The following VPS35L variants were observed in gnomAD, a reference collection of about 807,000 sequenced individuals.
VPS35L encodes the protein VPS35 endosomal protein sorting factor like.
In VPS35L, 83 loss-of-function variants were observed where a neutral mutation model predicts 133.0. That is an observed-to-expected ratio of 0.62 (90% CI 0.52 to 0.75). The LOEUF (loss-of-function observed/expected upper bound fraction) is 0.75. Among genes scored for constraint, VPS35L ranks in the 30% least tolerant of loss-of-function variants. The pLI is 0.00. For missense variants in VPS35L, 1,083 were observed against 1,206.8 expected, an observed-to-expected ratio of 0.90 and a Z score of 1.52; for synonymous variants, 423 against 449.9, an observed-to-expected ratio of 0.94 and a Z score of 0.76.
rs541101706 is a variant in VPS35L, at chr16:19,675,796, C to G, written c.2362-6429C>G. On this transcript the variant is annotated intron_variant, in intron 27 of 30. Transcript: ENST00000417362. ...AACTCCTGACCTCAGGTGCTCAGCCCCCCTCCGCCTCCCAAAGTGCTGAGA... is the reference window on the plus strand; with the variant it reads ...AACTCCTGACCTCAGGTGCTCAGCCGCCCTCCGCCTCCCAAAGTGCTGAGA... Among the ~76,000 whole-genome samples the G allele has an allele frequency of 4.0e-4, 60 of 151,828 alleles. 1 individual carries two copies. The highest frequency in any genetic ancestry group is 1.2e-3 in the African/African-American group (51 of 41,420).
At chr16:19,570,256 T>C (rs1204551023) in intron 3 of VPS35L, among the ~76,000 whole-genome samples, 4 of 152,082 alleles carry the variant, frequency 2.6e-5, no homozygotes, top group African/African-American at 7.2e-5. Flanking sequence ...AGAGATGGGC[T>C]TTCATCATGT....
At chr16:19,672,487 G>A (rs1274944340) in intron 27 of VPS35L, among the ~76,000 whole-genome samples, 2 of 152,224 alleles carry the variant, frequency 1.3e-5, no homozygotes, top group East Asian at 1.9e-4. Context: ...TGTTTGGCAT[G>A]TGAATTATAT....
rs1440489246 is a variant in VPS35L at position 19,555,723 on chromosome 16, T to C, written c.-7T>C. The stretch of plus-strand genomic sequence containing the variant: ...GCCCCAGAACAAGCGGTCATGTGAC[T>C]GGGAAGATGGCCGTCTTTCCTTGGT... On this transcript the variant is annotated 5_prime_UTR_variant, in exon 1 of 31. Transcript: ENST00000417362. The C allele has an allele frequency of 6.3e-7, 1 of 1,597,050 alleles. No homozygotes were observed. Among genetic ancestry groups the C allele is most frequent in the South Asian group, 1.1e-5 (1 of 88,982 alleles).
At chr16:19,666,871 T>C (rs1358171052) in intron 26 of VPS35L, among the ~76,000 whole-genome samples, 1 of 140,242 alleles carries the variant, frequency 7.1e-6, no homozygotes, top group Admixed American at 7.4e-5. Context: ...TAGGGCCATG[T>C]TTTTCTTTCT....
intron 7 of VPS35L, among the ~76,000 whole-genome samples, chr16:19,584,134 T>C (rs977254028): frequency 1.2e-4 from 19 of 152,206 alleles, no homozygotes; most frequent in African/African-American, 4.1e-4. Flanking sequence ...TTTCATATCT[T>C]AGCTATTGTG....
In VPS35L at chr16:19,640,022, T is replaced by G. The variant is rs773427114; in HGVS notation, c.1706T>G (p.Phe569Cys). Reference protein sequence around the residue: ...DFSVLFSVEKFLPFLDMFQKE... With the variant: ...DFSVLFSVEKCLPFLDMFQKE... Reference sequence around the variant, plus strand: ...TGCTTGCTTTATTTATAGGAAAAATTTCTGCCGTTTCTGGACATGTTCCAA... The same window carrying G: ...TGCTTGCTTTATTTATAGGAAAAATGTCTGCCGTTTCTGGACATGTTCCAA... Residue 569 changes from phenylalanine (F) to cysteine (C), a missense_variant, in exon 21 of 31, where the codon TTT becomes TGT. Transcript: ENST00000417362. 1 of 1,614,094 alleles carries G rather than the reference T, an allele frequency of 6.2e-7. No individual in the cohort carries two copies. Among genetic ancestry groups the G allele is most frequent in the Non-Finnish European group, 8.5e-7 (1 of 1,179,968 alleles).
intron 23 of VPS35L, among the ~76,000 whole-genome samples, chr16:19,645,870 C>T (rs1000716113): frequency 6.6e-6 from 1 of 152,234 alleles, no homozygotes; most frequent in African/African-American, 2.4e-5. Flanking sequence ...GCAGGCAAAA[C>T]GCCAGATATC....
chr16:19,640,260 TAA>T (rs1973747414), intron 21 of VPS35L, among the ~76,000 whole-genome samples, 160 bp downstream of exon 21: 1 of 152,224 alleles, frequency 6.6e-6, no homozygotes, highest in Admixed American at 6.5e-5. Flanking sequence ...AGCAGTCTGA[TAA>T]AAGTTTGTAA....
At chr16:19,665,517 T>A (rs185335011) in intron 26 of VPS35L, among the ~76,000 whole-genome samples, 6 of 152,334 alleles carry the variant, frequency 3.9e-5, no homozygotes, top group Non-Finnish European at 5.9e-5. Context: ...AGAATCTCCT[T>A]TTTTATGGCT....
chr16:19,644,140 T>A (rs1334387115), intron 22 of VPS35L, among the ~76,000 whole-genome samples: 1 of 152,164 alleles, frequency 6.6e-6, no homozygotes, highest in Non-Finnish European at 1.5e-5. Flanking sequence ...ATTCCCCAAA[T>A]AACTATTTAT....
intron 1 of VPS35L, among the ~76,000 whole-genome samples, chr16:19,556,367 G>A (rs987055623): frequency 2.6e-5 from 4 of 152,206 alleles, no homozygotes; most frequent in Non-Finnish European, 5.9e-5. Flanking sequence ...CAGAGAGGAG[G>A]AGTTAAATTG....
chr16:19,655,770 C>T (rs756000290), intron 26 of VPS35L, among the ~76,000 whole-genome samples: 3 of 152,234 alleles, frequency 2.0e-5, no homozygotes, highest in South Asian at 2.1e-4. Flanking sequence ...GAGATTTGGT[C>T]GATCAGATGC....
At chr16:19,574,528 A>AT (rs1043461261) in intron 4 of VPS35L, among the ~76,000 whole-genome samples, 1 of 151,624 alleles carries the variant, frequency 6.6e-6, no homozygotes, top group Admixed American at 6.6e-5. Context: ...TCTTCTCTTC[A>AT]TTTTTTCCTC....
chr16:19,576,893 G>A (rs577954682), intron 5 of VPS35L, among the ~76,000 whole-genome samples: 1 of 152,128 alleles, frequency 6.6e-6, no homozygotes, highest in African/African-American at 2.4e-5. Context: ...TTTTAATAGA[G>A]ACAGGGTTTC....
At chr16:19,658,058 G>T (rs1322161956) in intron 26 of VPS35L, among the ~76,000 whole-genome samples, 1 of 152,150 alleles carries the variant, frequency 6.6e-6, no homozygotes, top group African/African-American at 2.4e-5. Flanking sequence ...GATGGCAGCT[G>T]CTCATGGAAC....
chr16:19,603,263 G>C (rs1435904898), intron 9 of VPS35L, among the ~76,000 whole-genome samples: 1 of 152,090 alleles, frequency 6.6e-6, no homozygotes, highest in African/African-American at 2.4e-5. Context: ...TGAGAGCCTT[G>C]CTCTTTCTTA....
At chr16:19,675,212 A>G (rs1975023394) in intron 27 of VPS35L, among the ~76,000 whole-genome samples, 1 of 150,892 alleles carries the variant, frequency 6.6e-6, no homozygotes, top group African/African-American at 2.4e-5. Context: ...TGACTTCCCA[A>G]AGTGCTGGTG....
intron 14 of VPS35L, chr16:19,617,063 A>G (rs1398701786): frequency 1.1e-5 from 7 of 621,272 alleles, no homozygotes; most frequent in Admixed American, 5.4e-5. Context: ...CCACACAGCT[A>G]GAAAGCAGTT....
chr16:19,669,065 T>C, intron 26 of VPS35L, 95 bp from the exon 27 acceptor site: 1 of 1,353,930 alleles, frequency 7.4e-7, no homozygotes, highest in African/African-American at 1.4e-5. Context: ...GGCTTCTACC[T>C]AACTCTCAGG....
Sources: gnomAD v4.1 joint callset for allele counts (sites outside exome capture counted in the v4.1 genomes callset) on GRCh38, gnomAD v4.1.1 for gene constraint, MANE v1.5 for transcripts, NCBI Gene and HGNC (gene_info 2026-07-23, HGNC 2026-07-21) for gene names.